SHISA9: variants seen among roughly 807,000 people sequenced by gnomAD.
The protein encoded by SHISA9 is shisa family member 9, also known as protein shisa-9.
SHISA9 carries 13 observed loss-of-function variants against 38.0 expected under a neutral mutation model. The ratio of observed to expected loss-of-function variants is 0.34; its 90% CI spans 0.22 to 0.54. The LOEUF is 0.54. Ranked by LOEUF, SHISA9 falls within the 20% of genes least tolerant of loss-of-function variation. SHISA9 has a pLI of 0.91. For synonymous variants in SHISA9, 275 were observed against 242.0 expected, an observed-to-expected ratio of 1.14 and a Z score of -1.27; for missense variants, 538 against 575.8, an observed-to-expected ratio of 0.93 and a Z score of 0.67.
chr16:13,082,928 T>C (rs1315031337), intron 2 of SHISA9, among the ~76,000 whole-genome samples: 2 of 152,212 alleles, frequency 1.3e-5, no homozygotes, highest in African/African-American at 2.4e-5. Context: ...ACCTCCTTCA[T>C]TGCCTTTTGA....
intron 2 of SHISA9, among the ~76,000 whole-genome samples, chr16:13,087,533 T>C (rs1379816817): frequency 1.3e-5 from 2 of 152,182 alleles, no homozygotes; most frequent in African/African-American, 4.8e-5. Context: ...TGGTGTGAGA[T>C]GGTATCTCAT....
the SHISA9 span, among the ~76,000 whole-genome samples, chr16:13,538,817 T>C: frequency 3.0e-4 from 45 of 152,200 alleles, no homozygotes; most frequent in African/African-American, 1.1e-3. Flanking sequence ...CTCCCCTTGA[T>C]TGCATCTTCA....
chr16:13,366,041 C>T, the SHISA9 span, among the ~76,000 whole-genome samples: 9 of 152,194 alleles, frequency 5.9e-5, no homozygotes, highest in Non-Finnish European at 1.0e-4. Context: ...AGAGCCCCTA[C>T]TTAGTCGTTA....
In SHISA9 at chr16:13,028,503, G is replaced by A. The variant is rs555937247; in HGVS notation, c.691+111688G>A. ...AAGAGAGAAGGAGAGCCAAGTGAAA[G>A]GGGAGACCCCTTATAAAACCATCAG... On this transcript the variant is annotated intron_variant, in intron 2 of 4. Coordinates refer to ENST00000558583, the MANE Select transcript of SHISA9 (RefSeq NM_001145204.3). 3.4e-4 allele frequency among the ~76,000 whole-genome samples: 52 copies of A among 152,272 alleles called. 2 individuals are homozygous for A. The highest frequency in any genetic ancestry group is 3.3e-3 in the Admixed American group (51 of 15,294).
chr16:12,902,888 T>G, intron 1 of SHISA9: 2 of 404,008 alleles, frequency 5.0e-6, no homozygotes, highest in Non-Finnish European at 8.7e-6. Flanking sequence ...CCTCACCCTC[T>G]GGCCGCCTCC....
At chr16:13,230,923 A>G (rs1367128567) in intron 4 of SHISA9, among the ~76,000 whole-genome samples, 3 of 152,078 alleles carry the variant, frequency 2.0e-5, no homozygotes. Flanking sequence ...AGTGAGGATG[A>G]CCAGAGGTTA....
intron 2 of SHISA9, among the ~76,000 whole-genome samples, chr16:13,139,671 G>C (rs1452917398): frequency 6.6e-6 from 1 of 152,000 alleles, no homozygotes; most frequent in African/African-American, 2.4e-5. Flanking sequence ...CAATTCTTCA[G>C]AATTCCAGAT....
intron 2 of SHISA9, among the ~76,000 whole-genome samples, chr16:12,971,050 A>G (rs1460529677): frequency 6.6e-6 from 1 of 152,164 alleles, no homozygotes; most frequent in Admixed American, 6.5e-5. Context: ...TGGACAGGAG[A>G]AGAACCAGGA....
the SHISA9 span, among the ~76,000 whole-genome samples, chr16:13,343,773 T>C: frequency 6.6e-6 from 1 of 152,164 alleles, no homozygotes; most frequent in Non-Finnish European, 1.5e-5. Context: ...TGACTAATTA[T>C]ATTAGGCATC....
At chr16:13,060,376 AC>A (rs553070979) in intron 2 of SHISA9, among the ~76,000 whole-genome samples, 104 of 152,226 alleles carry the variant, frequency 6.8e-4, no homozygotes, top group Middle Eastern at 3.4e-3. Flanking sequence ...CGTCTTATCA[AC>A]CAGAGGACAT....
chr16:13,357,011 A>G, the SHISA9 span, among the ~76,000 whole-genome samples: 1 of 152,106 alleles, frequency 6.6e-6, no homozygotes, highest in East Asian at 1.9e-4. Context: ...CTAAGGGAGA[A>G]GAAGGAGGAA....
chr16:13,219,530 T>C (rs1377680016), intron 4 of SHISA9, among the ~76,000 whole-genome samples: 1 of 152,182 alleles, frequency 6.6e-6, no homozygotes, highest in African/African-American at 2.4e-5. Flanking sequence ...CTATTAATTT[T>C]TTTGCCCCCT....
At chr16:12,904,500 C>T (rs1383326155) in intron 1 of SHISA9, among the ~76,000 whole-genome samples, 1 of 152,132 alleles carries the variant, frequency 6.6e-6, no homozygotes, top group African/African-American at 2.4e-5. Context: ...GGCCCAACTT[C>T]CTGGTCCTGC....
rs1310914464 is a variant in SHISA9 at position 13,200,714 on chromosome 16, G to A, written c.692-2680G>A. ...GCTGAATCTCGGCCAAAAAGCTATCGTGGTAGAAGGATACATGCGTCTCTC... is the reference window on the plus strand; with the variant it reads ...GCTGAATCTCGGCCAAAAAGCTATCATGGTAGAAGGATACATGCGTCTCTC... On this transcript the variant is annotated intron_variant, in intron 2 of 4. Transcript: ENST00000558583. Among the ~76,000 whole-genome samples the A allele has an allele frequency of 3.9e-5, 4 of 101,806 alleles. 1 individual carries two copies. The highest frequency in any genetic ancestry group is 4.3e-5 in the Non-Finnish European group (2 of 46,522). 66.8% of individuals were successfully genotyped at this position (101,806 alleles called of 152,430 possible).
intron 2 of SHISA9, among the ~76,000 whole-genome samples, chr16:13,006,741 C>A (rs1280414811): frequency 6.6e-6 from 1 of 152,168 alleles, no homozygotes; most frequent in South Asian, 2.1e-4. Context: ...AATAGACATC[C>A]GTCACTGATT....
the SHISA9 span, among the ~76,000 whole-genome samples, chr16:13,277,077 G>C: frequency 6.6e-6 from 1 of 152,080 alleles, no homozygotes; most frequent in Admixed American, 6.6e-5. Context: ...AATCCATCTT[G>C]TGTTGATTTT....
intron 2 of SHISA9, among the ~76,000 whole-genome samples, chr16:12,948,136 G>A (rs760454455): frequency 3.7e-4 from 57 of 152,252 alleles, no homozygotes; most frequent in African/African-American, 7.9e-4. Context: ...TTTATAATGC[G>A]TCTATGATAT....
the SHISA9 span, among the ~76,000 whole-genome samples, chr16:13,501,107 A>G: frequency 6.6e-6 from 1 of 152,172 alleles, no homozygotes; most frequent in East Asian, 1.9e-4. Context: ...CTCTTAACCT[A>G]GAACTGTAGT....
the SHISA9 span, among the ~76,000 whole-genome samples, chr16:13,469,216 T>G: frequency 8.2e-4 from 120 of 146,174 alleles, no homozygotes; most frequent in African/African-American, 2.9e-3. Context: ...CACTCCAACC[T>G]GGGCAACAGA....
Sources: gnomAD v4.1 joint callset for allele counts (sites outside exome capture counted in the v4.1 genomes callset) on GRCh38, gnomAD v4.1.1 for gene constraint, MANE v1.5 for transcripts, NCBI Gene and HGNC (gene_info 2026-07-23, HGNC 2026-07-21) for gene names.